Variants in PDIA2 observed in about 807,000 individuals in gnomAD.
PDIA2 encodes the protein protein disulfide-isomerase A2.
PDIA2 carries 76 observed loss-of-function variants against 51.1 expected under a neutral mutation model. That is an observed-to-expected ratio of 1.49 (90% CI 1.24 to 1.80). The LOEUF is 1.80. Ranked by LOEUF, PDIA2 falls within the 40% of genes most tolerant of loss-of-function variation. The pLI is 0.00. For synonymous variants in PDIA2, 429 were observed against 309.9 expected (o/e 1.38, Z -4.04); for missense variants, 946 against 706.5 (o/e 1.34, Z -3.84).
rs756121843 is a variant in PDIA2 at position 285,138 on chromosome 16, G to A, written c.733G>A (p.Gly245Arg). 2 of 1,613,088 alleles carry A rather than the reference G, an allele frequency of 1.2e-6. No individual in the cohort carries two copies. Among genetic ancestry groups the A allele is most frequent in the South Asian group, 1.1e-5 (1 of 91,084 alleles). ...PVDEELGLDL[G>R]DLSRFLVTHS... is the part of the protein sequence containing the mutation. The stretch of plus-strand genomic sequence containing the variant: ...GGACGAGGAGCTTGGCCTGGACCTG[G>A]GGGATCTGTCGCGCTTCCTGGTCAC... The change falls in exon 5 of 11, where the codon GGG (glycine) becomes AGG (arginine). Residue 245 changes from glycine (G) to arginine (R), a missense_variant. Gly to Arg is a moderately radical substitution (Grantham distance 125). Transcript: ENST00000219406.
intron 7 of PDIA2, among the ~76,000 whole-genome samples, chr16:285,934 CAACCCCAACCCCA>C (rs2052358260): frequency 2.7e-5 from 3 of 112,008 alleles, no homozygotes; most frequent in African/African-American, 1.3e-4. Context: ...CTCCCAACCC[CAACCCCAACCCCA>C]ACCCCAACCC....
chr16:285,959 G>C (rs1218635281), intron 7 of PDIA2, among the ~76,000 whole-genome samples: 6 of 8,086 alleles, frequency 7.4e-4, no homozygotes, highest in African/African-American at 2.6e-3. Flanking sequence ...CCCCAACCCC[G>C]CGGTTCTCCC....
chr16:285,142 ATC>A lies in PDIA2; in HGVS notation c.739_740del (p.Leu247ValfsTer73). The A allele has an allele frequency of 6.2e-7, 1 of 1,612,834 alleles. No individual in the cohort carries two copies. The highest frequency in any genetic ancestry group is 1.3e-5 in the African/African-American group (1 of 74,906). ...GAGGAGCTTGGCCTGGACCTGGGGG[ATC>A]TGTCGCGCTTCCTGGTCACACACAG... On this transcript the variant is annotated frameshift_variant, in exon 5 of 11. Coordinates refer to ENST00000219406, the MANE Select transcript of PDIA2 (RefSeq NM_006849.4). LOFTEE classifies it high-confidence loss of function.
At chr16:284,814 G>C in intron 3 of PDIA2, 22 bp downstream of exon 3, 1 of 1,589,478 alleles carries the variant, frequency 6.3e-7, no homozygotes, top group African/African-American at 1.3e-5. Context: ...GGCATGGGGG[G>C]CCGGGCCATG....
In PDIA2 at chr16:284,505, C is replaced by G; in HGVS notation, c.318C>G (p.Arg106=). 1 of 1,611,566 alleles carries G rather than the reference C, an allele frequency of 6.2e-7. No individual in the cohort carries two copies. The highest frequency in any genetic ancestry group is 1.7e-5 in the Admixed American group (1 of 59,778). Residue 106 remains arginine (R), a synonymous_variant, in exon 2 of 11, where the codon CGC becomes CGG. Transcript: ENST00000219406. ...CCAAGGTGGATGGGCCCGCGCAGCG[C>G]GAGCTGGCTGAGGAGTTTGGTGTGA... The part of the protein sequence containing the change: ...TLAKVDGPAQ[R]ELAEEFGVTE...
Position 286,669 on chromosome 16 carries a change from G to A in PDIA2, c.1356G>A (p.Glu452=). The A allele has an allele frequency of 3.7e-6, 6 of 1,612,884 alleles. No individual in the cohort carries two copies. The highest frequency in any genetic ancestry group is 4.2e-6 in the Non-Finnish European group (5 of 1,179,952). Residue 452 remains glutamate, a synonymous_variant, in exon 9 of 11, where the codon GAG becomes GAA. Transcript: ENST00000219406. ...IIAELDATAN[E]LDAFAVHGFP... ...CTGAGCTGGATGCCACGGCCAACGAGCTGGATGCCTTCGCTGTGCACGGCT... is the reference window on the plus strand; with the variant it reads ...CTGAGCTGGATGCCACGGCCAACGAACTGGATGCCTTCGCTGTGCACGGCT...
rs373649494 is a variant in PDIA2, at chr16:284,858, C to T, written c.541-20C>T. On this transcript the variant is annotated intron_variant, in intron 3 of 10. Coordinates refer to ENST00000219406, the MANE Select transcript of PDIA2 (RefSeq NM_006849.4). ...GACTGTGGGTGGGACCGGGTGGCCT[C>T]ACAGGGCCAGGCCCCTCAGGACCTG... 3.1e-6 allele frequency: 5 copies of T among 1,610,384 alleles called. No individual in the cohort carries two copies. The African/African-American group carries it at 4.0e-5, about 13-fold the overall frequency.
chr16:287,013 G>T, intron 10 of PDIA2, 56 bp from the exon 11 acceptor site: 2 of 1,612,144 alleles, frequency 1.2e-6, no homozygotes, highest in Non-Finnish European at 1.7e-6. Context: ...TGGCAGGGGC[G>T]GGGGCAGGGG....
intron 7 of PDIA2, 136 bp from the exon 8 acceptor site, chr16:286,217 A>C (rs1352499684): frequency 0.098 from 56 of 572 alleles, no homozygotes; most frequent in Admixed American, 0.17. Context: ...CCTCCCCCCC[A>C]CCGCCCCCCC....
chr16:284,369 C>G lies in PDIA2; in HGVS notation c.200-18C>G. On this transcript the variant is annotated intron_variant, in intron 1 of 10. Transcript: ENST00000219406. ...TGGGGTTGTGGTGGCCTGGGGCACT[C>G]ACGGCCCCATCCCCCAGATGCCCCG... 1 of 1,538,236 alleles carries G rather than the reference C, an allele frequency of 6.5e-7. No homozygotes were observed. Among genetic ancestry groups the G allele is most frequent in the Non-Finnish European group, 8.7e-7 (1 of 1,147,440 alleles).
chr16:284,420 C>T lies in PDIA2; in HGVS notation c.233C>T (p.Ala78Val), dbSNP rs1417637061. 3.8e-6 allele frequency: 6 copies of T among 1,578,252 alleles called. No homozygotes were observed. The highest frequency in any genetic ancestry group is 4.6e-5 in the East Asian group (2 of 43,462). Residue 78 changes from alanine (A) to valine (V), a missense_variant, in exon 2 of 11, where the codon GCC becomes GTC. Physicochemically the swap from Ala to Val is moderately conservative, Grantham distance 64. Transcript: ENST00000219406. ...APWCGHCQAL[A>V]PEYSKAAAVL... ...TGGTGTGGGCACTGCCAGGCCCTGGCCCCCGAGTACAGCAAGGCAGCTGCC... is the reference window on the plus strand; with the variant it reads ...TGGTGTGGGCACTGCCAGGCCCTGGTCCCCGAGTACAGCAAGGCAGCTGCC...
intron 1 of PDIA2, among the ~76,000 whole-genome samples, chr16:283,990 G>A (rs1175672390): frequency 9.9e-5 from 15 of 152,148 alleles, no homozygotes; most frequent in East Asian, 1.9e-4. Flanking sequence ...TCAGCCTCCC[G>A]AGTAGCTGGG....
rs560863995 is a variant in PDIA2 at position 284,544 on chromosome 16, G to A, written c.357G>A (p.Thr119=). 8.7e-6 allele frequency: 14 copies of A among 1,612,794 alleles called. No individual in the cohort carries two copies. Among genetic ancestry groups the A allele is most frequent in the East Asian group, 4.5e-5 (2 of 44,854 alleles). The change falls in exon 2 of 11, where the codon ACG becomes ACA. Residue 119 remains threonine, a synonymous_variant. Transcript: ENST00000219406. The stretch of plus-strand genomic sequence containing the variant: ...AGTTTGGTGTGACGGAGTACCCTAC[G>A]CTCAAGTTCTTCCGCAATGGGAACC... The part of the protein sequence containing the change: ...AEEFGVTEYP[T]LKFFRNGNRT...
At chr16:286,072 G>T (rs568251524) in intron 7 of PDIA2, among the ~76,000 whole-genome samples, 6 of 44,332 alleles carry the variant, frequency 1.4e-4, no homozygotes, top group Non-Finnish European at 2.4e-4. Context: ...ACCCCACAGA[G>T]GTCCCTCCCC....
Position 286,413 on chromosome 16 carries a change from G to T in PDIA2, c.1180G>T (p.Val394Leu), listed in dbSNP as rs200448607. The T allele has an allele frequency of 6.2e-7, 1 of 1,612,396 alleles. No homozygotes were observed. Among genetic ancestry groups the T allele is most frequent in the African/African-American group, 1.3e-5 (1 of 74,690 alleles). The stretch of plus-strand genomic sequence containing the variant: ...GGATCAGCGGCCAGTTAAGACCCTC[G>T]TGGGCAAGAATTTTGAGCAGGTGGC... Reference protein sequence around the residue: ...DWDQRPVKTLVGKNFEQVAFD... With the variant: ...DWDQRPVKTLLGKNFEQVAFD... The change falls in exon 8 of 11, where the codon GTG (valine) becomes TTG (leucine). Residue 394 changes from valine to leucine, a missense_variant. By Grantham distance (32) the Val-to-Leu change is conservative. Coordinates refer to ENST00000219406, the MANE Select transcript of PDIA2 (RefSeq NM_006849.4).
In PDIA2 at chr16:286,922, G is replaced by A; in HGVS notation, c.1510G>A (p.Glu504Lys). 6.3e-7 allele frequency: 1 copy of A among 1,599,980 alleles called. No individual in the cohort carries two copies. The highest frequency in any genetic ancestry group is 2.2e-5 in the East Asian group (1 of 44,610). Residue 504 changes from glutamate (E) to lysine (K), a missense_variant, in exon 10 of 11, where the codon GAG (glutamate) becomes AAG (lysine). Coordinates refer to ENST00000219406, the MANE Select transcript of PDIA2 (RefSeq NM_006849.4). ...GGVLPTEEPP[E>K]EPAAPFPEPP... ...CGTGCTGCCCACGGAGGAGCCCCCG[G>A]AGGAGCCAGCAGCCCCGTTCCCGGT...
chr16:286,846 C>G lies in PDIA2; in HGVS notation c.1434C>G (p.Tyr478Ter), dbSNP rs201317550. 36 of 1,610,272 alleles carry G rather than the reference C, an allele frequency of 2.2e-5. No homozygotes were observed. The highest frequency in any genetic ancestry group is 2.3e-5 in the Non-Finnish European group (27 of 1,178,904). Residue 478 changes from tyrosine (Y) to a stop codon, truncating the protein, a stop_gained, in exon 10 of 11, where the codon TAC (tyrosine) becomes TAG (stop). Coordinates refer to ENST00000219406, the MANE Select transcript of PDIA2 (RefSeq NM_006849.4). LOFTEE classifies it high-confidence loss of function. ...CTGCCTCTTCTCAGGTGATTGAATA[C>G]AAAAGCACCAGGGACCTGGAGACTT... ...PAGPGRKVIE[Y>*]KSTRDLETFS...
intron 7 of PDIA2, among the ~76,000 whole-genome samples, chr16:285,992 C>CGCGGTTCTCCCAACCCT (rs1567250965): frequency 8.7e-5 from 11 of 125,752 alleles, no homozygotes; most frequent in Non-Finnish European, 5.0e-5. Flanking sequence ...CTCCCAACCC[C>CGCGGTTCTCCCAACCCT]GCGGTTCTCC....
chr16:285,063 A>AACCCACCTGCTG (rs772468316), intron 4 of PDIA2, 21 bp from the exon 5 acceptor site: 1 of 1,613,022 alleles, frequency 6.2e-7, no homozygotes, highest in Non-Finnish European at 8.5e-7. Context: ...AGCGCCCGCT[A>AACCCACCTGCTG]ACCCACCTGC....
Sources: allele counts gnomAD v4.1 joint callset (sites outside exome capture counted in the v4.1 genomes callset), GRCh38; gene constraint gnomAD v4.1.1; transcripts MANE v1.5; gene names NCBI Gene and HGNC (gene_info 2026-07-23, HGNC 2026-07-21).